Variants in DPH6 observed in about 807,000 individuals in gnomAD.
DPH6 encodes diphthamine biosynthesis 6.
DPH6 carries 33 observed loss-of-function variants against 38.2 expected under a neutral mutation model. That is an observed-to-expected ratio of 0.86 (90% CI 0.65 to 1.15). The LOEUF (loss-of-function observed/expected upper bound fraction) is 1.15, where lower values mean the gene tolerates loss of function less well. DPH6 is among the 50% of genes most tolerant of loss of function. The pLI, the probability that DPH6 is intolerant of heterozygous loss-of-function variation, is 0.00. For missense variants in DPH6, 325 were observed against 320.0 expected (o/e 1.02, Z -0.12); for synonymous variants, 108 against 103.0 (o/e 1.05, Z -0.30).
At chr15:35,423,946 G>A (rs1245736104) in intron 5 of DPH6, among the ~76,000 whole-genome samples, 1 of 151,580 alleles carries the variant, frequency 6.6e-6, no homozygotes, top group African/African-American at 2.4e-5. Context: ...TTTTATGCCA[G>A]TGCCATTCTG....
At chr15:35,542,299 T>C (rs35525751) in intron 2 of DPH6, 114 bp downstream of exon 2, 21,941 of 841,100 alleles carry the variant, frequency 0.026, 363 homozygotes, top group Non-Finnish European at 0.034. Context: ...TAATGGGTGC[T>C]TAATATTTAT....
At chr15:35,436,504 C>CAAACAAA (rs1189101516) in intron 5 of DPH6, among the ~76,000 whole-genome samples, 1 of 108,216 alleles carries the variant, frequency 9.2e-6, no homozygotes, top group Non-Finnish European at 1.7e-5. Context: ...CAAAACAAAA[C>CAAACAAA]AAAACAAAAC....
chr15:35,237,926 GGA>G, intron 3 of DPH6: 1 of 1,388,954 alleles, frequency 7.2e-7, no homozygotes, highest in Non-Finnish European at 1.0e-6. Flanking sequence ...GGACGTGAGT[GGA>G]GAGGAGGAGG....
At chr15:35,316,614 A>G (rs1003000656) in intron 3 of DPH6, among the ~76,000 whole-genome samples, 1 of 152,212 alleles carries the variant, frequency 6.6e-6, no homozygotes, top group African/African-American at 2.4e-5. Context: ...TTATAGCTAT[A>G]TAGGCCTGGT....
At chr15:35,369,332 C>T (rs2052689537), downstream of DPH6, among the ~76,000 whole-genome samples, 1 of 151,706 alleles carries the variant, frequency 6.6e-6, no homozygotes, top group African/African-American at 2.4e-5. Flanking sequence ...CTAGATATTA[C>T]TAATATTTGG....
At chr15:35,401,348 G>A (rs1303491639) in intron 6 of DPH6, 1 of 760,360 alleles carries the variant, frequency 1.3e-6, no homozygotes, top group South Asian at 1.4e-5. Context: ...GGCAGCTGTG[G>A]TGCTGATGGG....
At chr15:35,341,449 T>C (rs1471267892) in intron 3 of DPH6, among the ~76,000 whole-genome samples, 1 of 152,238 alleles carries the variant, frequency 6.6e-6, no homozygotes, top group Non-Finnish European at 1.5e-5. Flanking sequence ...AGAGGTCCTC[T>C]GGCATTTTTA....
At chr15:35,313,768 G>C (rs2052164209) in intron 3 of DPH6, among the ~76,000 whole-genome samples, 1 of 152,080 alleles carries the variant, frequency 6.6e-6, no homozygotes, top group Admixed American at 6.6e-5. Flanking sequence ...TGTGTGCACA[G>C]GGCTATTCAT....
At chr15:35,177,606 C>A in the DPH6 span, among the ~76,000 whole-genome samples, 109 of 125,302 alleles carry the variant, frequency 8.7e-4, 2 homozygotes, top group East Asian at 2.2e-3. Flanking sequence ...AAAAAATCAT[C>A]ATCATCATCA....
intron 3 of DPH6, among the ~76,000 whole-genome samples, chr15:35,357,550 C>CT (rs2052575312): frequency 6.6e-6 from 1 of 152,160 alleles, no homozygotes; most frequent in Non-Finnish European, 1.5e-5. Flanking sequence ...TTGAAAGCTC[C>CT]TTTTAGTTCT....
the DPH6 span, among the ~76,000 whole-genome samples, chr15:35,173,499 C>T: frequency 6.6e-6 from 1 of 151,836 alleles, no homozygotes; most frequent in African/African-American, 2.4e-5. Flanking sequence ...CCTTCTTCTT[C>T]AATCCATCTG....
chr15:35,382,217 C>A (rs551373647), intron 6 of DPH6, among the ~76,000 whole-genome samples: 39 of 152,180 alleles, frequency 2.6e-4, no homozygotes, highest in Non-Finnish European at 5.1e-4. Flanking sequence ...GGGCGGATCA[C>A]AAGGTCAGGA....
the DPH6 span, among the ~76,000 whole-genome samples, chr15:35,201,531 T>C: frequency 6.6e-6 from 1 of 151,910 alleles, no homozygotes; most frequent in Non-Finnish European, 1.5e-5. Flanking sequence ...TTGCCTGATA[T>C]ACTAAAGGCA....
chr15:35,343,561 T>C (rs1051448970), intron 3 of DPH6, among the ~76,000 whole-genome samples: 7 of 152,092 alleles, frequency 4.6e-5, no homozygotes, highest in East Asian at 1.9e-4. Flanking sequence ...TTTCCTATTA[T>C]ATATTGCCTC....
the DPH6 span, among the ~76,000 whole-genome samples, chr15:35,170,562 T>G: frequency 9.2e-5 from 14 of 152,188 alleles, no homozygotes. Context: ...TGGTACTAAG[T>G]ACCTATTCAC....
chr15:35,368,696 A>G (rs1174836418), downstream of DPH6, among the ~76,000 whole-genome samples: 2 of 151,940 alleles, frequency 1.3e-5, no homozygotes, highest in African/African-American at 2.4e-5. Context: ...AGATGATTCC[A>G]ACATTCTGTG....
intron 3 of DPH6, among the ~76,000 whole-genome samples, chr15:35,255,247 TGAAAA>T (rs1270734513): frequency 6.6e-6 from 1 of 152,170 alleles, no homozygotes; most frequent in East Asian, 1.9e-4. Flanking sequence ...ATTAACATAA[TGAAAA>T]GAAGGTTATA....
At chr15:35,539,470 G>A (rs995513601) in intron 2 of DPH6, among the ~76,000 whole-genome samples, 1 of 151,992 alleles carries the variant, frequency 6.6e-6, no homozygotes, top group Non-Finnish European at 1.5e-5. Context: ...TTAAATGGAT[G>A]TCTGTGGTGT....
At chr15:35,392,112 T>C (rs2053067646) in intron 6 of DPH6, among the ~76,000 whole-genome samples, 1 of 152,246 alleles carries the variant, frequency 6.6e-6, no homozygotes, top group East Asian at 1.9e-4. Flanking sequence ...CTAACTTGGG[T>C]GATTTCATGG....
Sources: allele counts gnomAD v4.1 joint callset (sites outside exome capture counted in the v4.1 genomes callset), GRCh38; gene constraint gnomAD v4.1.1; transcripts MANE v1.5; gene names NCBI Gene and HGNC (gene_info 2026-07-23, HGNC 2026-07-21).